DBH: variants seen among roughly 807,000 people sequenced by gnomAD.
The protein encoded by DBH is dopamine beta-hydroxylase (dopamine beta-monooxygenase).
Under a neutral mutation model 64.0 loss-of-function variants are expected in DBH, and 49 were observed. The observed-to-expected ratio is 0.77, with a 90% CI of 0.61 to 0.97. The LOEUF (loss-of-function observed/expected upper bound fraction) is 0.97. Among genes scored for constraint, DBH ranks in the 50% least tolerant of loss-of-function variants. The pLI, the probability that DBH is intolerant of heterozygous loss-of-function variation, is 0.00. For missense variants in DBH, 828 were observed against 826.6 expected (o/e 1.00, Z -0.02); for synonymous variants, 343 against 347.1 (o/e 0.99, Z 0.13).
Position 133,644,273 on chromosome 9 carries a change from G to C in DBH, c.977G>C (p.Arg326Thr). 1 of 1,614,188 alleles carries C rather than the reference G, an allele frequency of 6.2e-7. No homozygotes were observed. Among genetic ancestry groups the C allele is most frequent in the Non-Finnish European group, 8.5e-7 (1 of 1,180,026 alleles). Residue 326 changes from arginine (R) to threonine (T), a missense_variant, in exon 5 of 12, where the codon AGA becomes ACA. Physicochemically the swap from Arg to Thr is moderately conservative, Grantham distance 71. Transcript: ENST00000393056. ...GLAFGGPGSS[R>T]YLRLEVHYHN... ...GCCTTCGGGGGTCCAGGGTCCTCCA[G>C]ATATCTCCGCCTGGAAGTTCACTAC...
Position 133,653,083 on chromosome 9 carries a change from T to G in DBH, c.1434+84T>G, listed in dbSNP as rs1314737992. ...CTGAGGAAGGATGACAGGTCTTGAC[T>G]CCTCACTTAGGGCATGGGCTCGTCC... On this transcript the variant is annotated intron_variant, in intron 9 of 11. Transcript: ENST00000393056. 12 of 1,080,144 alleles carry G rather than the reference T, an allele frequency of 1.1e-5. No homozygotes were observed. The Admixed American group carries it at 2.1e-4, about 18-fold the overall frequency. The allele number at this position is 1,080,144 out of a possible 1,614,324, so 66.9% of individuals were successfully genotyped here. A position where few individuals can be genotyped will look rare whatever the true frequency, so the allele number is the denominator to read the frequency against.
intron 2 of DBH, among the ~76,000 whole-genome samples, chr9:133,640,326 T>A (rs909655183): frequency 2.6e-5 from 4 of 152,238 alleles, no homozygotes; most frequent in African/African-American, 9.6e-5. Flanking sequence ...CTGGTCCTGT[T>A]AACCATCAGG....
At position 133,642,353 on chromosome 9, in the gene DBH, G is replaced by A. The variant is rs745489484; in HGVS notation, c.633G>A (p.Ala211=). 1.3e-5 allele frequency: 21 copies of A among 1,614,024 alleles called. No individual in the cohort carries two copies. Among genetic ancestry groups the A allele is most frequent in the African/African-American group, 8.0e-5 (6 of 74,906 alleles). The change falls in exon 3 of 12, where the codon GCG becomes GCA. Residue 211 remains alanine (A), a synonymous_variant. Coordinates refer to ENST00000393056, the MANE Select transcript of DBH (RefSeq NM_000787.4). ...CCGAACCGGAGTTGCCCTCAGACGCGTGCACCATGGAGGTCCAAGCTCCCA... is the reference window on the plus strand; with the variant it reads ...CCGAACCGGAGTTGCCCTCAGACGCATGCACCATGGAGGTCCAAGCTCCCA... ...NIPEPELPSD[A]CTMEVQAPNI... is the part of the protein sequence containing the mutation.
intron 8 of DBH, 46 bp downstream of exon 8, chr9:133,652,330 G>A (rs779660234): frequency 6.2e-7 from 1 of 1,605,026 alleles, no homozygotes; most frequent in Non-Finnish European, 8.5e-7. Flanking sequence ...CCACCAGCTG[G>A]GGTGGCTGAG....
Position 133,648,000 on chromosome 9 carries a change from G to C in DBH, c.1179G>C (p.Lys393Asn), listed in dbSNP as rs900318197. The change falls in exon 6 of 12, where the codon AAG becomes AAC. Residue 393 changes from lysine to asparagine, a missense_variant. Physicochemically the swap from Lys to Asn is moderately conservative, Grantham distance 94. Coordinates refer to ENST00000393056, the MANE Select transcript of DBH (RefSeq NM_000787.4). ...AFILTGYCTD[K>N]CTQLALPPSG... ...TCCTCACTGGCTACTGCACGGACAA[G>C]TGCACCCAGCTGGTGAGTGGGGCTG... 1 of 1,612,662 alleles carries C rather than the reference G, an allele frequency of 6.2e-7. No individual in the cohort carries two copies. Among genetic ancestry groups the C allele is most frequent in the South Asian group, 1.1e-5 (1 of 90,832 alleles).
intron 10 of DBH, among the ~76,000 whole-genome samples, 178 bp from the exon 11 acceptor site, chr9:133,656,892 C>T (rs1037178296): frequency 6.6e-6 from 1 of 152,194 alleles, no homozygotes; most frequent in African/African-American, 2.4e-5. Context: ...AGAGGTGAGG[C>T]CGTTGCCGGT....
At chr9:133,647,226 C>CTTT (rs1832192512) in intron 5 of DBH, among the ~76,000 whole-genome samples, 2 of 152,198 alleles carry the variant, frequency 1.3e-5, no homozygotes, top group African/African-American at 4.8e-5. Flanking sequence ...AAAGTGGGGG[C>CTTT]TGCTGGGAGG....
chr9:133,651,837 G>A, intron 7 of DBH, 60 bp downstream of exon 7: 1 of 1,467,226 alleles, frequency 6.8e-7, no homozygotes. Context: ...ACGACCTCCT[G>A]GGTCTACTGT....
chr9:133,655,294 G>A (rs968234697), intron 9 of DBH: 1 of 152,232 alleles, frequency 6.6e-6, no homozygotes, highest in East Asian at 1.9e-4. Flanking sequence ...TTTGAAATTC[G>A]ATTTCCTTCC....
chr9:133,642,074 T>G (rs375381411), intron 2 of DBH, 133 bp from the exon 3 acceptor site: 23 of 1,271,880 alleles, frequency 1.8e-5, no homozygotes, highest in East Asian at 1.7e-4. Context: ...GCCTCAAGGG[T>G]CCCTTATTCA....
chr9:133,658,173 A>C (rs1832359754), intron 11 of DBH, 143 bp from the exon 12 acceptor site: 3 of 1,141,188 alleles, frequency 2.6e-6, no homozygotes, highest in African/African-American at 1.5e-5. Context: ...CCAAAAAGCA[A>C]CTTGGGGGAG....
rs13306303 is a variant in DBH at position 133,652,965 on chromosome 9, C to G, written c.1400C>G (p.Thr467Arg). ...GGAGATGTGCTCATCACCTCCTGCA[C>G]GTACAACACAGAAGACCGGGAGCTG... ...HPGDVLITSC[T>R]YNTEDRELAT... Residue 467 changes from threonine (T) to arginine (R), a missense_variant, in exon 9 of 12, where the codon ACG becomes AGG. Thr to Arg is a moderately conservative substitution (Grantham distance 71). Transcript: ENST00000393056. The G allele has an allele frequency of 1.9e-5, 31 of 1,613,446 alleles. No individual in the cohort carries two copies. In the South Asian group the frequency reaches 3.0e-4, roughly 15 times the overall value.
At chr9:133,656,997 G>C (rs1418991064) in intron 10 of DBH, 73 bp from the exon 11 acceptor site, 4 of 1,521,028 alleles carry the variant, frequency 2.6e-6, no homozygotes, top group African/African-American at 2.7e-5. Flanking sequence ...GTTGCAGGGA[G>C]GTGTTGCTGG....
intron 11 of DBH, 192 bp downstream of exon 11, chr9:133,657,421 AGAGGAGAG>A (rs1564215709): frequency 2.9e-4 from 124 of 421,554 alleles, no homozygotes; most frequent in Non-Finnish European, 4.7e-4. Context: ...GAGAGGAGAG[AGAGGAGAG>A]AGAGGAGAGA....
At chr9:133,656,349 C>T in intron 9 of DBH, 174 bp from the exon 10 acceptor site, 1 of 768,090 alleles carries the variant, frequency 1.3e-6, no homozygotes. Context: ...GCCTGTCTCT[C>T]CTGCCAATGG....
At chr9:133,645,014 CTT>C (rs1360765734) in intron 5 of DBH, among the ~76,000 whole-genome samples, 15 of 152,184 alleles carry the variant, frequency 9.9e-5, no homozygotes, top group Admixed American at 9.8e-4. Flanking sequence ...CATGCACACA[CTT>C]TTTCTCTCTC....
intron 5 of DBH, among the ~76,000 whole-genome samples, chr9:133,646,652 T>C (rs1056942053): frequency 1.4e-5 from 2 of 144,750 alleles, no homozygotes; most frequent in Admixed American, 6.7e-5. Context: ...GCCTCCTGAG[T>C]AGCTGGGATT....
intron 6 of DBH, among the ~76,000 whole-genome samples, chr9:133,650,898 C>T (rs1832240933): frequency 6.6e-6 from 1 of 152,210 alleles, no homozygotes; most frequent in African/African-American, 2.4e-5. Flanking sequence ...TTAGAGAAAA[C>T]TTTCGTTCTC....
At chr9:133,650,569 T>C (rs539630220) in intron 6 of DBH, among the ~76,000 whole-genome samples, 8 of 137,626 alleles carry the variant, frequency 5.8e-5, no homozygotes, top group Admixed American at 5.2e-4. Context: ...TTTTTTTTGA[T>C]GGAGTTTCGC....
Sources: gnomAD v4.1 joint callset for allele counts (sites outside exome capture counted in the v4.1 genomes callset) on GRCh38, gnomAD v4.1.1 for gene constraint, MANE v1.5 for transcripts, NCBI Gene and HGNC (gene_info 2026-07-23, HGNC 2026-07-21) for gene names.